The following TAF4 variants were observed in gnomAD, a reference collection of about 807,000 sequenced individuals.
TAF4 encodes the protein transcription initiation factor TFIID subunit 4.
TAF4 carries 9 observed loss-of-function variants against 90.3 expected under a neutral mutation model. The ratio of observed to expected loss-of-function variants is 0.10; its 90% CI spans 0.06 to 0.17. The LOEUF is 0.17. Ranked by LOEUF, TAF4 falls within the 10% of genes least tolerant of loss-of-function variation. The probability of loss-of-function intolerance (pLI) is 1.00; values close to 1 mark genes in which losing one functional copy is unlikely to be tolerated. For synonymous variants in TAF4, 818 were observed against 638.9 expected (o/e 1.28, Z -4.23); for missense variants, 1,351 against 1,370.7 (o/e 0.99, Z 0.23).
intron 1 of TAF4, among the ~76,000 whole-genome samples, chr20:62,049,632 T>TGCCCCAGCCCCGCACCCTGCTC (rs2056014757): frequency 7.1e-6 from 1 of 141,570 alleles, no homozygotes; most frequent in East Asian, 2.0e-4. Context: ...GATCCCTGCC[T>TGCCCCAGCCCCGCACCCTGCTC]GCCCCAGCCC....
intron 1 of TAF4, among the ~76,000 whole-genome samples, chr20:62,031,611 C>A (rs970941136): frequency 6.6e-6 from 1 of 152,216 alleles, no homozygotes; most frequent in Admixed American, 6.5e-5. Flanking sequence ...CTACCCTACT[C>A]CACTAGCAGC....
At chr20:62,055,617 G>C (rs1003053787) in intron 1 of TAF4, among the ~76,000 whole-genome samples, 19 of 151,416 alleles carry the variant, frequency 1.3e-4, no homozygotes, top group African/African-American at 4.4e-4. Flanking sequence ...CACACTATCA[G>C]AGGGCAGCCC....
At position 61,975,892 on chromosome 20, in the gene TAF4, G is replaced by T. The variant is rs1372730238; in HGVS notation, c.*276C>A. On this transcript the variant is annotated 3_prime_UTR_variant, in exon 15 of 15. Transcript: ENST00000252996. ...AGAGGGCAGCTAATTATTTGCTAAC[G>T]ATTCCATCAGTCTTTATATATGGCT... 2.2e-5 allele frequency: 9 copies of T among 409,944 alleles called. No homozygotes were observed. The South Asian group carries it at 3.0e-4, about 13-fold the overall frequency. The allele number at this position is 409,944 out of a possible 1,614,324, so 25.4% of individuals were successfully genotyped here.
intron 6 of TAF4, chr20:62,007,126 T>C: frequency 3.7e-6 from 1 of 266,978 alleles, no homozygotes; most frequent in Non-Finnish European, 7.0e-6. Flanking sequence ...TCTATGACTG[T>C]AACAAAACAT....
At chr20:62,054,244 G>A (rs1254013785) in intron 1 of TAF4, among the ~76,000 whole-genome samples, 6 of 152,230 alleles carry the variant, frequency 3.9e-5, no homozygotes. Context: ...CAGGTGCCCT[G>A]TGGCATGCAG....
At chr20:62,026,647 C>T (rs568760519) in intron 1 of TAF4, among the ~76,000 whole-genome samples, 3 of 152,138 alleles carry the variant, frequency 2.0e-5, no homozygotes, top group African/African-American at 4.8e-5. Flanking sequence ...AGCCAGGCTC[C>T]GCAGAAACAC....
intron 1 of TAF4, among the ~76,000 whole-genome samples, chr20:62,063,353 C>A (rs975106994): frequency 6.6e-6 from 1 of 152,246 alleles, no homozygotes; most frequent in African/African-American, 2.4e-5. Flanking sequence ...CCTTGCAGTT[C>A]CTACTACTGC....
At chr20:62,016,516 C>T (rs1195609839) in intron 1 of TAF4, among the ~76,000 whole-genome samples, 1 of 152,180 alleles carries the variant, frequency 6.6e-6, no homozygotes, top group Non-Finnish European at 1.5e-5. Flanking sequence ...ACTTCAGACT[C>T]CAAGTTCTTC....
At chr20:62,018,335 C>T (rs538304571) in intron 1 of TAF4, among the ~76,000 whole-genome samples, 32 of 152,352 alleles carry the variant, frequency 2.1e-4, no homozygotes, top group Non-Finnish European at 1.3e-4. Context: ...GCCATGTTTC[C>T]GAGAGGTTCT....
intron 5 of TAF4, chr20:62,008,775 A>G (rs1289817975): frequency 4.8e-5 from 15 of 310,544 alleles, no homozygotes; most frequent in Non-Finnish European, 8.2e-5. Context: ...GCCAGAGGAG[A>G]AGAGAGCCAC....
At position 62,065,159 on chromosome 20, in the gene TAF4, C is replaced by A; in HGVS notation, c.652G>T (p.Val218Phe). The change falls in exon 1 of 15, where the codon GTC (valine) becomes TTC (phenylalanine). Residue 218 changes from valine (V) to phenylalanine (F), a missense_variant. Val to Phe is a conservative substitution (Grantham distance 50). This residue lies in a region of TAF4 where 782 missense variants were observed against 536.6 expected (regional missense o/e 1.46). Coordinates refer to ENST00000252996, the MANE Select transcript of TAF4 (RefSeq NM_003185.4). ...HHAAAPAVSL[V>F]NNGPAALLPL... ...AGCAGCGCGGCGGGCCCGTTGTTGA[C>A]CAGGCTGACAGCAGGTGCGGCGGCG... 8.3e-7 allele frequency: 1 copy of A among 1,207,196 alleles called. No homozygotes were observed. The highest frequency in any genetic ancestry group is 1.1e-6 in the Non-Finnish European group (1 of 948,080). 74.8% of individuals were successfully genotyped at this position (1,207,196 alleles called of 1,614,324 possible).
In TAF4 at chr20:62,065,338, G is replaced by T; in HGVS notation, c.473C>A (p.Ala158Asp). ...CAGCGCGGCGGGGCCGGCGGGCTTG[G>T]CGGGGCCGGCGGGGGCGGGCTCGGG... Reference protein sequence around the residue: ...AGPEPAPAGPAKPAGPAALAA... With the variant: ...AGPEPAPAGPDKPAGPAALAA... The change falls in exon 1 of 15, where the codon GCC becomes GAC. Residue 158 changes from alanine to aspartate, a missense_variant. Physicochemically the swap from Ala to Asp is moderately radical, Grantham distance 126. This residue lies in a region of TAF4 where 782 missense variants were observed against 536.6 expected (regional missense o/e 1.46). Transcript: ENST00000252996. 1.0e-6 allele frequency: 1 copy of T among 957,662 alleles called. No homozygotes were observed. Among genetic ancestry groups the T allele is most frequent in the Non-Finnish European group, 1.2e-6 (1 of 812,082 alleles). 59.3% of individuals were successfully genotyped at this position (957,662 alleles called of 1,614,324 possible).
chr20:61,988,765 C>T (rs1367911496), intron 14 of TAF4, among the ~76,000 whole-genome samples: 4 of 152,186 alleles, frequency 2.6e-5, no homozygotes, highest in Non-Finnish European at 4.4e-5. Context: ...TTCACCCACT[C>T]GGCAGTGCCT....
intron 1 of TAF4, among the ~76,000 whole-genome samples, chr20:62,018,781 A>G (rs2055826874): frequency 6.6e-6 from 1 of 152,238 alleles, no homozygotes; most frequent in Non-Finnish European, 1.5e-5. Flanking sequence ...AAGCAGTCAA[A>G]CCTGCAACAA....
intron 14 of TAF4, among the ~76,000 whole-genome samples, chr20:61,982,463 C>G (rs1254824075): frequency 6.6e-6 from 1 of 150,894 alleles, no homozygotes; most frequent in Non-Finnish European, 1.5e-5. Flanking sequence ...ACACCAAACC[C>G]ACACCCCACC....
At chr20:61,977,564 T>A (rs1045943981) in intron 14 of TAF4, among the ~76,000 whole-genome samples, 11 of 151,922 alleles carry the variant, frequency 7.2e-5, no homozygotes, top group Non-Finnish European at 1.3e-4. Context: ...GGCTGCCTTG[T>A]GTGATGGCAT....
intron 14 of TAF4, among the ~76,000 whole-genome samples, chr20:61,984,870 C>CA (rs1213900270): frequency 2.8e-4 from 27 of 97,504 alleles, no homozygotes; most frequent in Non-Finnish European, 3.8e-4. Context: ...GGGGACAGGG[C>CA]AGGAGGAGGG....
chr20:61,976,361 T>G (rs781580363), intron 14 of TAF4, 26 bp from the exon 15 acceptor site: 2 of 1,611,196 alleles, frequency 1.2e-6, no homozygotes, highest in Admixed American at 3.3e-5. Flanking sequence ...GAGAAGACAG[T>G]GTGTTAGTGG....
In TAF4 at chr20:62,064,818, G is replaced by C. The variant is rs935804433; in HGVS notation, c.993C>G (p.Pro331=). The C allele has an allele frequency of 9.1e-5, 89 of 979,422 alleles. No homozygotes were observed. The African/African-American group carries it at 1.4e-3, about 15-fold the overall frequency. The allele number at this position is 979,422 out of a possible 1,614,324, so 60.7% of individuals were successfully genotyped here. Residue 331 remains proline (P), a synonymous_variant, in exon 1 of 15, where the codon CCC becomes CCG. Coordinates refer to ENST00000252996, the MANE Select transcript of TAF4 (RefSeq NM_003185.4). ...GPAGVSGQPG[P]GAAAAAPAPG... ...GCGCCGGCGCCGCAGCCGCCGCGCC[G>C]GGCCCGGGTTGGCCGCTGACCCCCG...
Sources: allele counts gnomAD v4.1 joint callset (sites outside exome capture counted in the v4.1 genomes callset), GRCh38; gene constraint gnomAD v4.1.1; regional missense constraint gnomAD v4.1.1; transcripts MANE v1.5; gene names NCBI Gene and HGNC (gene_info 2026-07-23, HGNC 2026-07-21).